Variants in ZNF462 observed in about 807,000 individuals in gnomAD.
ZNF462 encodes the protein zinc finger protein 462.
Under a neutral mutation model 201.9 loss-of-function variants are expected in ZNF462, and 10 were observed. The observed-to-expected ratio is 0.05, with a 90% CI of 0.03 to 0.08. The LOEUF (loss-of-function observed/expected upper bound fraction) is 0.08. Among genes scored for constraint, ZNF462 ranks in the 10% least tolerant of loss-of-function variants. ZNF462 has a pLI of 1.00. For missense variants in ZNF462, 2,523 were observed against 3,168.3 expected, an observed-to-expected ratio of 0.80 and a Z score of 4.89; for synonymous variants, 1,227 against 1,193.3, an observed-to-expected ratio of 1.03 and a Z score of -0.58.
Position 106,927,560 on chromosome 9 carries a change from C to T in ZNF462, c.3648C>T (p.His1216=). 2.5e-6 allele frequency: 4 copies of T among 1,613,938 alleles called. No individual in the cohort carries two copies. The East Asian group carries it at 8.9e-5, about 36-fold the overall frequency. ...TACTCATTCATTATCAGAAGAAGCACCGAGACTTCAAGGCCAATGCAGATG... is the reference window on the plus strand; with the variant it reads ...TACTCATTCATTATCAGAAGAAGCATCGAGACTTCAAGGCCAATGCAGATG... ...KGVLIHYQKK[H]RDFKANADVI... Residue 1216 remains histidine, a synonymous_variant, in exon 3 of 13, where the codon CAC becomes CAT. Transcript: ENST00000277225.
At chr9:106,906,488 A>T (rs929025206) in intron 1 of ZNF462, among the ~76,000 whole-genome samples, 2 of 152,182 alleles carry the variant, frequency 1.3e-5, no homozygotes, top group African/African-American at 4.8e-5. Flanking sequence ...TGATATAAAG[A>T]TATAATCACC....
chr9:106,930,662 T>C lies in ZNF462; in HGVS notation c.5985T>C (p.Asn1995=). 5 of 1,614,166 alleles carry C rather than the reference T, an allele frequency of 3.1e-6. No individual in the cohort carries two copies. Among genetic ancestry groups the C allele is most frequent in the Non-Finnish European group, 4.2e-6 (5 of 1,180,028 alleles). The stretch of plus-strand genomic sequence containing the variant: ...TCCGAAAGCACGTCCAGTATGGCAA[T>C]GTCCCAGCTGTGTCAGCTGCTGTGA... ...NHLRKHVQYG[N]VPAVSAAVKG... The change falls in exon 4 of 13, where the codon AAT becomes AAC. Residue 1995 remains asparagine, a synonymous_variant. Coordinates refer to ENST00000277225, the MANE Select transcript of ZNF462 (RefSeq NM_021224.6). The surrounding 1 kb of genome is among the most constrained non-coding windows in gnomAD (Gnocchi z 5.8).
rs1482885437 is a variant in ZNF462, at chr9:106,962,996, T to TC, written c.6428-9004dup. Reference sequence around the variant, plus strand: ...TGTGACTGCCTTTAGAGGCGTATGTTCCCCCTTAGACACTATGGAATGGAA... The same window carrying TC: ...TGTGACTGCCTTTAGAGGCGTATGTTCCCCCCTTAGACACTATGGAATGGAA... On this transcript the variant is annotated intron_variant, in intron 7 of 12. Coordinates refer to ENST00000277225, the MANE Select transcript of ZNF462 (RefSeq NM_021224.6). This position sits in a 1 kb window ranked among gnomAD's most constrained non-coding sequence, Gnocchi z 4.6. 1.3e-5 allele frequency among the ~76,000 whole-genome samples: 2 copies of TC among 152,012 alleles called. No homozygotes were observed. Among genetic ancestry groups the TC allele is most frequent in the African/African-American group, 4.8e-5 (2 of 41,416 alleles).
intron 1 of ZNF462, among the ~76,000 whole-genome samples, chr9:106,893,322 G>T (rs531466876): frequency 6.6e-6 from 1 of 152,296 alleles, no homozygotes; most frequent in South Asian, 2.1e-4. Context: ...ATGCTTTGTA[G>T]TCTTTTAAAG....
intron 7 of ZNF462, among the ~76,000 whole-genome samples, chr9:106,941,937 C>T (rs1422114303): frequency 1.3e-5 from 2 of 152,120 alleles, no homozygotes; most frequent in African/African-American, 4.8e-5. Context: ...GTAAATTAGG[C>T]CTTGAATGGT....
chr9:106,909,833 C>T (rs1004507765), intron 1 of ZNF462, among the ~76,000 whole-genome samples: 4 of 152,166 alleles, frequency 2.6e-5, no homozygotes, highest in African/African-American at 9.7e-5. Flanking sequence ...TTCCATTTTA[C>T]TGATTCAGTC....
chr9:106,891,723 T>C (rs1018735116), intron 1 of ZNF462, among the ~76,000 whole-genome samples: 8 of 152,200 alleles, frequency 5.3e-5, no homozygotes, highest in Non-Finnish European at 8.8e-5. Flanking sequence ...AAAGGTGACG[T>C]TTCTTGATAT....
In ZNF462 at chr9:106,935,607, T is replaced by C. The variant is rs1278483596; in HGVS notation, c.6221T>C (p.Leu2074Pro). The C allele has an allele frequency of 6.2e-7, 1 of 1,613,746 alleles. No homozygotes were observed. The highest frequency in any genetic ancestry group is 2.2e-5 in the East Asian group (1 of 44,886). ...AACAGCCGGCTGAAAACACATATAC[T>C]CAAAGCTCATGCTGGTGAGTTGTGC... ...SYNSRLKTHI[L>P]KAHAGEHAYK... The change falls in exon 6 of 13, where the codon CTC becomes CCC. Residue 2074 changes from leucine (L) to proline (P), a missense_variant. Leu to Pro is a moderately conservative substitution (Grantham distance 98). Coordinates refer to ENST00000277225, the MANE Select transcript of ZNF462 (RefSeq NM_021224.6). This position sits in a 1 kb window ranked among gnomAD's most constrained non-coding sequence, Gnocchi z 4.1.
In ZNF462 at chr9:106,935,480, TTTTG is replaced by T; in HGVS notation, c.6117-19_6117-16del. 7 of 1,605,464 alleles carry T rather than the reference TTTTG, an allele frequency of 4.4e-6. No individual in the cohort carries two copies. Among genetic ancestry groups the T allele is most frequent in the Non-Finnish European group, 6.0e-6 (7 of 1,172,810 alleles). On this transcript the variant is annotated intron_variant, in intron 5 of 12. Transcript: ENST00000277225. The surrounding 1 kb of genome is among the most constrained non-coding windows in gnomAD (Gnocchi z 4.1). ...CAATTTTTAATTTTGTCATTTTTCT[TTTTG>T]TTTTCCTTCTACATCAAGTTTGGAT... is the stretch of plus-strand genomic sequence containing the variant.
In ZNF462 at chr9:107,008,745, C is replaced by T. The variant is rs1247581158; in HGVS notation, c.7190-800C>T. Among the ~76,000 whole-genome samples, 1 of 152,166 alleles carries T rather than the reference C, an allele frequency of 6.6e-6. No homozygotes were observed. Among genetic ancestry groups the T allele is most frequent in the Non-Finnish European group, 1.5e-5 (1 of 68,020 alleles). The stretch of plus-strand genomic sequence containing the variant: ...CAATCCACATTTATCAGACTTCTAC[C>T]ATGTGCCTAGTACCATGGAGGAAAC... On this transcript the variant is annotated intron_variant, in intron 11 of 12. Coordinates refer to ENST00000277225, the MANE Select transcript of ZNF462 (RefSeq NM_021224.6). The surrounding 1 kb of genome is among the most constrained non-coding windows in gnomAD (Gnocchi z 4.8).
In ZNF462 at chr9:106,932,690, T is replaced by C. The variant is rs1335566411; in HGVS notation, c.6116+141T>C. The stretch of plus-strand genomic sequence containing the variant: ...GCTGCTATGTTACCTGGAGCCTCAG[T>C]CACCTTTTCTGTAAAATGGGGCTGA... On this transcript the variant is annotated intron_variant, in intron 5 of 12. Transcript: ENST00000277225. This position sits in a 1 kb window ranked among gnomAD's most constrained non-coding sequence, Gnocchi z 6.8. 1 of 1,059,704 alleles carries C rather than the reference T, an allele frequency of 9.4e-7. No homozygotes were observed. The highest frequency in any genetic ancestry group is 2.6e-5 in the East Asian group (1 of 38,642). 65.6% of individuals were successfully genotyped at this position (1,059,704 alleles called of 1,614,324 possible).
At chr9:106,922,180 G>A (rs1322120691) in intron 1 of ZNF462, among the ~76,000 whole-genome samples, 2 of 152,172 alleles carry the variant, frequency 1.3e-5, no homozygotes, top group African/African-American at 4.8e-5. Context: ...TACGGTGTTA[G>A]TTCTTGGACA....
At chr9:106,878,913 A>G (rs1368054339) in intron 1 of ZNF462, among the ~76,000 whole-genome samples, 2 of 152,188 alleles carry the variant, frequency 1.3e-5, no homozygotes, top group East Asian at 3.9e-4. Context: ...TTTTCATCTT[A>G]GCAACCCTGT....
At position 106,978,740 on chromosome 9, in the gene ZNF462, AT is replaced by A; in HGVS notation, c.6832+4469del. 6.6e-6 allele frequency: 1 copy of A among 152,044 alleles called. No individual in the cohort carries two copies. Among genetic ancestry groups the A allele is most frequent in the Middle Eastern group, 3.4e-3 (1 of 294 alleles). The allele number at this position is 152,044 out of a possible 1,614,324, so 9.4% of individuals were successfully genotyped here. ...TTTGGCTTTTTGAAGGAGACTTTTT[AT>A]TATTTTTATATACAGAAAACTGAAC... is the stretch of plus-strand genomic sequence containing the variant. On this transcript the variant is annotated intron_variant, in intron 9 of 12. Transcript: ENST00000277225. This position sits in a 1 kb window ranked among gnomAD's most constrained non-coding sequence, Gnocchi z 4.1.
Position 107,006,453 on chromosome 9 carries a change from C to T in ZNF462, c.7189+3027C>T, listed in dbSNP as rs1417795506. On this transcript the variant is annotated intron_variant, in intron 11 of 12. Coordinates refer to ENST00000277225, the MANE Select transcript of ZNF462 (RefSeq NM_021224.6). The surrounding 1 kb of genome is among the most constrained non-coding windows in gnomAD (Gnocchi z 4.3). ...AAAGGCAAGCCCTCTTCTTACCCTG[C>T]ACACCACTTTCCCAGTGCTTCGAGT... 6.6e-6 allele frequency among the ~76,000 whole-genome samples: 1 copy of T among 152,192 alleles called. No homozygotes were observed. Among genetic ancestry groups the T allele is most frequent in the African/African-American group, 2.4e-5 (1 of 41,456 alleles).
intron 1 of ZNF462, among the ~76,000 whole-genome samples, chr9:106,878,004 ACTTC>A (rs944363674): frequency 6.6e-6 from 1 of 152,162 alleles, no homozygotes; most frequent in African/African-American, 2.4e-5. Flanking sequence ...CCAGTTGTTT[ACTTC>A]CTTAAGAGAT....
intron 7 of ZNF462, among the ~76,000 whole-genome samples, chr9:106,965,784 T>C (rs991189953): frequency 1.3e-5 from 2 of 152,096 alleles, no homozygotes; most frequent in African/African-American, 4.8e-5. Flanking sequence ...AGGTTTCCCA[T>C]TGCAGAATTC....
At chr9:106,940,731 A>G (rs1830832313) in intron 7 of ZNF462, among the ~76,000 whole-genome samples, 1 of 152,090 alleles carries the variant, frequency 6.6e-6, no homozygotes, top group Non-Finnish European at 1.5e-5. Flanking sequence ...GTAGTTTAAA[A>G]TGGGGAAGGA....
rs1297041268 is a variant in ZNF462, at chr9:106,920,022, A to C, written c.-30-3332A>C. 6.6e-6 allele frequency among the ~76,000 whole-genome samples: 1 copy of C among 152,244 alleles called. No homozygotes were observed. The highest frequency in any genetic ancestry group is 6.5e-5 in the Admixed American group (1 of 15,282). On this transcript the variant is annotated intron_variant, in intron 1 of 12. Coordinates refer to ENST00000277225, the MANE Select transcript of ZNF462 (RefSeq NM_021224.6). The surrounding 1 kb of genome is among the most constrained non-coding windows in gnomAD (Gnocchi z 4.3). Reference sequence around the variant, plus strand: ...TAGTATTATTAAATGAAGTCAATAGATATGAGATCAAAGCTTTTAACTTAA... The same window carrying C: ...TAGTATTATTAAATGAAGTCAATAGCTATGAGATCAAAGCTTTTAACTTAA...
Sources: allele counts gnomAD v4.1 joint callset (sites outside exome capture counted in the v4.1 genomes callset), GRCh38; gene constraint gnomAD v4.1.1; non-coding constraint Gnocchi (gnomAD v3.1); transcripts MANE v1.5; gene names NCBI Gene and HGNC (gene_info 2026-07-23, HGNC 2026-07-21).